The following SH3RF3 variants were observed in gnomAD, a reference collection of about 807,000 sequenced individuals.
SH3RF3 encodes SH3 domain containing ring finger 3.
A neutral mutation model predicts 66.3 loss-of-function variants in SH3RF3; 29 were observed. That is an observed-to-expected ratio of 0.44 (90% CI 0.33 to 0.60). The LOEUF (loss-of-function observed/expected upper bound fraction) is 0.60. SH3RF3 is among the 20% of genes least tolerant of loss of function. The pLI is 0.04. For synonymous variants in SH3RF3, 583 were observed against 532.0 expected, an observed-to-expected ratio of 1.10 and a Z score of -1.32; for missense variants, 1,194 against 1,190.9, an observed-to-expected ratio of 1.00 and a Z score of -0.04.
intron 5 of SH3RF3, among the ~76,000 whole-genome samples, chr2:109,422,341 G>A (rs1448146290): frequency 1.3e-5 from 2 of 152,182 alleles, no homozygotes; most frequent in Middle Eastern, 3.2e-3. Flanking sequence ...TGATTGCATA[G>A]CTTTGACCTC....
chr2:109,428,311 C>T (rs917076452), intron 5 of SH3RF3, among the ~76,000 whole-genome samples: 1 of 152,220 alleles, frequency 6.6e-6, no homozygotes, highest in East Asian at 1.9e-4. Context: ...CTGATTAGAG[C>T]GGAAGAGAAA....
intron 1 of SH3RF3, among the ~76,000 whole-genome samples, chr2:109,142,920 TGTC>T (rs1261725111): frequency 1.3e-5 from 2 of 152,160 alleles, no homozygotes; most frequent in Non-Finnish European, 2.9e-5. Flanking sequence ...AGGTGACAAT[TGTC>T]GTGCTGACAG....
chr2:109,371,820 T>C (rs1232142443), intron 3 of SH3RF3, 139 bp downstream of exon 3: 2 of 734,774 alleles, frequency 2.7e-6, no homozygotes, highest in East Asian at 5.4e-5. Context: ...AGAGAGCTGC[T>C]ATGTGTGGGC....
intron 4 of SH3RF3, among the ~76,000 whole-genome samples, chr2:109,399,757 T>C (rs1676253958): frequency 6.6e-6 from 1 of 152,390 alleles, no homozygotes; most frequent in Admixed American, 6.5e-5. Context: ...TTCCCCTTTA[T>C]GAATGCAGAG....
At chr2:109,323,179 G>A (rs1244128716) in intron 1 of SH3RF3, among the ~76,000 whole-genome samples, 1 of 152,210 alleles carries the variant, frequency 6.6e-6, no homozygotes, top group Admixed American at 6.5e-5. Context: ...GGGAAGGGGA[G>A]GTGTGTATTT....
chr2:109,218,730 T>A (rs1256150217), intron 1 of SH3RF3, among the ~76,000 whole-genome samples: 1 of 152,148 alleles, frequency 6.6e-6, no homozygotes, highest in African/African-American at 2.4e-5. Flanking sequence ...GGCACTTTGT[T>A]CTCTAAGTGA....
At position 109,353,689 on chromosome 2, in the gene SH3RF3, G is replaced by A. The variant is rs138223260; in HGVS notation, c.849+5740G>A. On this transcript the variant is annotated intron_variant, in intron 2 of 9. Coordinates refer to ENST00000309415, the MANE Select transcript of SH3RF3 (RefSeq NM_001099289.3). ...CAGATGTTTATCAACCCTAGACTGC[G>A]TGCCCAATGCCAGGGATGCTGTGGA... Among the ~76,000 whole-genome samples the A allele has an allele frequency of 2.8e-4, 42 of 151,582 alleles. 1 individual carries two copies. In the South Asian group the frequency reaches 5.6e-3, roughly 20 times the overall value.
intron 9 of SH3RF3, among the ~76,000 whole-genome samples, chr2:109,492,926 C>CA (rs1340323888): frequency 6.6e-6 from 1 of 152,070 alleles, no homozygotes; most frequent in African/African-American, 2.4e-5. Context: ...GCCACACCCA[C>CA]AGGGAGAAGT....
chr2:109,302,167 G>T (rs2105398854), intron 1 of SH3RF3, among the ~76,000 whole-genome samples: 1 of 152,334 alleles, frequency 6.6e-6, no homozygotes, highest in Admixed American at 6.5e-5. Context: ...GATCTGCAAA[G>T]CTGGCGTTGG....
intron 1 of SH3RF3, among the ~76,000 whole-genome samples, chr2:109,271,069 C>G (rs1000501739): frequency 6.6e-6 from 1 of 152,204 alleles, no homozygotes; most frequent in Non-Finnish European, 1.5e-5. Flanking sequence ...AAGGCGGAGT[C>G]AGTGTTGATC....
chr2:109,229,059 T>C (rs1262466900), intron 1 of SH3RF3, among the ~76,000 whole-genome samples: 1 of 152,066 alleles, frequency 6.6e-6, no homozygotes, highest in Non-Finnish European at 1.5e-5. Flanking sequence ...TACCAAGGGA[T>C]TAGGAGCTCT....
intron 1 of SH3RF3, among the ~76,000 whole-genome samples, chr2:109,252,280 A>G (rs1472007336): frequency 6.6e-6 from 1 of 151,940 alleles, no homozygotes; most frequent in Non-Finnish European, 1.5e-5. Context: ...TTTCAACATT[A>G]TAATTTAAAA....
Position 109,416,730 on chromosome 2 carries a change from A to G in SH3RF3, c.1300-2809A>G, listed in dbSNP as rs542816456. The stretch of plus-strand genomic sequence containing the variant: ...GGGTGACAGAGCAAGACTCTGTCTC[A>G]ATACAACAACAACAACGAACAAAAT... On this transcript the variant is annotated intron_variant, in intron 4 of 9. Coordinates refer to ENST00000309415, the MANE Select transcript of SH3RF3 (RefSeq NM_001099289.3). 3.3e-5 allele frequency among the ~76,000 whole-genome samples: 5 copies of G among 151,936 alleles called. No homozygotes were observed. In the South Asian group the frequency reaches 1.0e-3, roughly 32 times the overall value.
intron 1 of SH3RF3, among the ~76,000 whole-genome samples, chr2:109,205,580 A>G (rs1678792498): frequency 6.6e-6 from 1 of 152,106 alleles, no homozygotes; most frequent in South Asian, 2.1e-4. Context: ...TCACACAGAA[A>G]CTACATTCTA....
chr2:109,137,439 C>T (rs1252760049), intron 1 of SH3RF3, among the ~76,000 whole-genome samples: 1 of 152,218 alleles, frequency 6.6e-6, no homozygotes, highest in African/African-American at 2.4e-5. Flanking sequence ...GGAGCAGATG[C>T]TCTGGAAGTG....
At chr2:109,135,957 G>A (rs1438787861) in intron 1 of SH3RF3, among the ~76,000 whole-genome samples, 1 of 152,178 alleles carries the variant, frequency 6.6e-6, no homozygotes, top group Non-Finnish European at 1.5e-5. Context: ...CAGCCTGTTG[G>A]CAGGCTATCC....
At chr2:109,376,591 T>C (rs1390228945) in intron 3 of SH3RF3, among the ~76,000 whole-genome samples, 2 of 152,358 alleles carry the variant, frequency 1.3e-5, no homozygotes, top group East Asian at 1.9e-4. Context: ...TGCCTCCACA[T>C]TGACAACATC....
chr2:109,400,340 A>G (rs1481348520), intron 4 of SH3RF3, among the ~76,000 whole-genome samples: 1 of 151,984 alleles, frequency 6.6e-6, no homozygotes, highest in Non-Finnish European at 1.5e-5. Flanking sequence ...ACACCCACAC[A>G]TGTGCACTTA....
rs183742151 is a variant in SH3RF3 at position 109,205,153 on chromosome 2, G to T, written c.573+75040G>T. Reference sequence around the variant, plus strand: ...ATACAAGAGATTGAGGCTACAATGAGCCATGTTTATGCCGCTGCACTCCAG... The same window carrying T: ...ATACAAGAGATTGAGGCTACAATGATCCATGTTTATGCCGCTGCACTCCAG... On this transcript the variant is annotated intron_variant, in intron 1 of 9. Transcript: ENST00000309415. Among the ~76,000 whole-genome samples, 4 of 152,198 alleles carry T rather than the reference G, an allele frequency of 2.6e-5. No homozygotes were observed. In the East Asian group the frequency reaches 7.7e-4, roughly 29 times the overall value.
Sources: gnomAD v4.1 joint callset for allele counts (sites outside exome capture counted in the v4.1 genomes callset) on GRCh38, gnomAD v4.1.1 for gene constraint, MANE v1.5 for transcripts, NCBI Gene and HGNC (gene_info 2026-07-23, HGNC 2026-07-21) for gene names.